Variants in SPON1 observed in about 807,000 individuals in gnomAD.
SPON1 encodes spondin 1, also known as spondin-1.
A neutral mutation model predicts 111.7 loss-of-function variants in SPON1; 52 were observed. The observed-to-expected ratio is 0.47, with a 90% CI of 0.37 to 0.59. The LOEUF (loss-of-function observed/expected upper bound fraction) is 0.59, where lower values mean the gene tolerates loss of function less well. SPON1 is among the 20% of genes least tolerant of loss of function. SPON1 has a pLI of 0.00. For missense variants in SPON1, 957 were observed against 1,068.5 expected, an observed-to-expected ratio of 0.90 and a Z score of 1.46; for synonymous variants, 410 against 395.8, an observed-to-expected ratio of 1.04 and a Z score of -0.43.
chr11:13,987,327 T>A (rs1435335817), intron 2 of SPON1, among the ~76,000 whole-genome samples: 1 of 152,186 alleles, frequency 6.6e-6, no homozygotes, highest in Non-Finnish European at 1.5e-5. Context: ...ATGATAAGCA[T>A]TTTTTTCATA....
chr11:14,066,106 A>G (rs1032243032), intron 3 of SPON1, among the ~76,000 whole-genome samples: 1 of 152,244 alleles, frequency 6.6e-6, no homozygotes, highest in Non-Finnish European at 1.5e-5. Context: ...TACCCCAGGT[A>G]CCACTAATCA....
At chr11:14,014,275 G>A (rs1276881866) in intron 2 of SPON1, among the ~76,000 whole-genome samples, 1 of 152,174 alleles carries the variant, frequency 6.6e-6, no homozygotes, top group Non-Finnish European at 1.5e-5. Context: ...GGTGGGAAGG[G>A]AAAGGAGGGG....
chr11:13,983,586 G>C (rs1316866697), intron 2 of SPON1, among the ~76,000 whole-genome samples: 7 of 152,120 alleles, frequency 4.6e-5, no homozygotes, highest in African/African-American at 1.4e-4. Flanking sequence ...CACAGACAAG[G>C]ACCCCGACAG....
At chr11:14,079,748 C>A in intron 4 of SPON1, 151 bp from the exon 5 acceptor site, 2 of 729,790 alleles carry the variant, frequency 2.7e-6, no homozygotes, top group Non-Finnish European at 4.4e-6. Context: ...CCTTTATTGC[C>A]CAAGTACTGA....
intron 7 of SPON1, among the ~76,000 whole-genome samples, chr11:14,248,344 G>A (rs553285271): frequency 1.8e-4 from 28 of 152,246 alleles, no homozygotes; most frequent in Non-Finnish European, 3.7e-4. Flanking sequence ...GGCTCCAAGG[G>A]GATGAAAGAG....
intron 6 of SPON1, among the ~76,000 whole-genome samples, chr11:14,208,890 A>G (rs1430358382): frequency 1.3e-5 from 2 of 152,214 alleles, no homozygotes; most frequent in Non-Finnish European, 1.5e-5. Context: ...TAGAATTTAT[A>G]GTACTGTAGT....
chr11:14,072,875 A>C (rs1848887806), intron 3 of SPON1, among the ~76,000 whole-genome samples: 1 of 152,162 alleles, frequency 6.6e-6, no homozygotes, highest in South Asian at 2.1e-4. Context: ...ATATCTCATT[A>C]AACTTGGAGT....
intron 2 of SPON1, among the ~76,000 whole-genome samples, chr11:14,008,301 G>A (rs565947630): frequency 3.3e-4 from 50 of 152,134 alleles, no homozygotes; most frequent in African/African-American, 1.0e-3. Flanking sequence ...ACCAACCCCC[G>A]ACAAATACCA....
intron 5 of SPON1, among the ~76,000 whole-genome samples, chr11:14,132,082 G>A (rs184027621): frequency 2.0e-5 from 3 of 152,272 alleles, no homozygotes; most frequent in Admixed American, 1.3e-4. Flanking sequence ...TTTGAGACCA[G>A]CCTGGCCAAC....
chr11:14,219,225 T>G (rs1027646752), intron 6 of SPON1, among the ~76,000 whole-genome samples: 7 of 152,216 alleles, frequency 4.6e-5, no homozygotes, highest in African/African-American at 1.7e-4. Context: ...CTATTTCTTC[T>G]CATTGCAATG....
intron 3 of SPON1, among the ~76,000 whole-genome samples, chr11:14,061,491 TA>T (rs781909626): frequency 6.6e-6 from 1 of 152,356 alleles, no homozygotes; most frequent in Non-Finnish European, 1.5e-5. Context: ...GCTTTTAAAT[TA>T]CTCTTAATTA....
chr11:14,105,331 C>G (rs1263596825), intron 5 of SPON1, among the ~76,000 whole-genome samples: 1 of 152,086 alleles, frequency 6.6e-6, no homozygotes. Context: ...TTTTATATCT[C>G]TTTTCATGCT....
chr11:14,166,824 G>T (rs1554931900), intron 6 of SPON1, among the ~76,000 whole-genome samples: 2 of 152,022 alleles, frequency 1.3e-5, no homozygotes, highest in African/African-American at 4.8e-5. Context: ...TCTTCTATTT[G>T]AAACTTTTTC....
At chr11:14,005,339 T>C (rs1848351146) in intron 2 of SPON1, among the ~76,000 whole-genome samples, 1 of 152,208 alleles carries the variant, frequency 6.6e-6, no homozygotes, top group East Asian at 1.9e-4. Flanking sequence ...TGATGTCCCC[T>C]AGAGAACAAG....
chr11:14,063,266 A>G (rs1266584827), intron 3 of SPON1, among the ~76,000 whole-genome samples: 1 of 152,106 alleles, frequency 6.6e-6, no homozygotes, highest in Admixed American at 6.5e-5. Context: ...AAGTCTCCCA[A>G]CATAAACATG....
chr11:14,237,434 T>C (rs750191049), intron 6 of SPON1, among the ~76,000 whole-genome samples: 1 of 152,062 alleles, frequency 6.6e-6, no homozygotes, highest in Non-Finnish European at 1.5e-5. Flanking sequence ...GAGAGAAGGA[T>C]GGAGAAGAAG....
At chr11:14,048,178 G>T (rs566221773) in intron 3 of SPON1, among the ~76,000 whole-genome samples, 1 of 152,310 alleles carries the variant, frequency 6.6e-6, no homozygotes, top group African/African-American at 2.4e-5. Context: ...GGTGGAGGTT[G>T]CATTGAGCGG....
At chr11:14,096,218 G>T (rs1316958892) in intron 5 of SPON1, among the ~76,000 whole-genome samples, 1 of 152,180 alleles carries the variant, frequency 6.6e-6, no homozygotes, top group African/African-American at 2.4e-5. Flanking sequence ...AGTGGAGAAG[G>T]AAAGTCCATG....
chr11:14,154,187 C>T (rs1342625048), intron 6 of SPON1, among the ~76,000 whole-genome samples: 3 of 152,234 alleles, frequency 2.0e-5, no homozygotes, highest in East Asian at 1.9e-4. Flanking sequence ...CACAGCTCCA[C>T]TAGGCAGTGC....
Sources: gnomAD v4.1 joint callset for allele counts (sites outside exome capture counted in the v4.1 genomes callset) on GRCh38, gnomAD v4.1.1 for gene constraint, MANE v1.5 for transcripts, NCBI Gene and HGNC (gene_info 2026-07-23, HGNC 2026-07-21) for gene names.